The following VPS4B variants were observed in gnomAD, a reference collection of about 807,000 sequenced individuals.
VPS4B encodes the protein vacuolar protein sorting 4 homolog B.
VPS4B carries 23 observed loss-of-function variants against 56.1 expected under a neutral mutation model. The ratio of observed to expected loss-of-function variants is 0.41; its 90% CI spans 0.30 to 0.58. VPS4B has a LOEUF of 0.58. Among genes scored for constraint, VPS4B ranks in the 20% least tolerant of loss-of-function variants. The pLI is 0.29. For missense variants in VPS4B, 372 were observed against 531.9 expected (o/e 0.70, Z 2.96); for synonymous variants, 177 against 186.0 (o/e 0.95, Z 0.39).
rs1372393227 is a variant in VPS4B at position 63,389,694 on chromosome 18, C to G, written c.*1281G>C. ...ATTACACTGATAACATATGTGTGGT[C>G]AGGACAAACTGTTCCCTGAACTTAA... On this transcript the variant is annotated 3_prime_UTR_variant, in exon 11 of 11. Coordinates refer to ENST00000238497, the MANE Select transcript of VPS4B (RefSeq NM_004869.4). 1 of 152,516 alleles carries G rather than the reference C, an allele frequency of 6.6e-6. No individual in the cohort carries two copies. The highest frequency in any genetic ancestry group is 2.4e-5 in the African/African-American group (1 of 41,406). The allele number at this position is 152,516 out of a possible 1,614,324, so 9.4% of individuals were successfully genotyped here.
intron 8 of VPS4B, among the ~76,000 whole-genome samples, chr18:63,398,202 C>T (rs1440826593): frequency 1.0e-5 from 1 of 96,286 alleles, no homozygotes; most frequent in African/African-American, 4.8e-5. Flanking sequence ...CACACACACA[C>T]ACATATATAT....
intron 10 of VPS4B, among the ~76,000 whole-genome samples, 154 bp from the exon 11 acceptor site, chr18:63,391,230 C>CTTTTTTTTTTTTT (rs11425099): frequency 7.1e-6 from 1 of 141,556 alleles, no homozygotes. Context: ...ACTCCCTATT[C>CTTTTTTTTTTTTT]TTTTTTTTTT....
intron 10 of VPS4B, 100 bp downstream of exon 10, chr18:63,393,309 A>G (rs939077318): frequency 9.0e-7 from 1 of 1,115,040 alleles, no homozygotes; most frequent in African/African-American, 1.6e-5. Context: ...AGTAAAATAC[A>G]CCTGTTTATA....
chr18:63,394,462 G>A (rs1915625274), intron 9 of VPS4B, among the ~76,000 whole-genome samples: 1 of 151,726 alleles, frequency 6.6e-6, no homozygotes, highest in South Asian at 2.1e-4. Context: ...TCAACTTGGA[G>A]GCACTTCTTT....
Position 63,422,328 on chromosome 18 carries a change from G to A in VPS4B, c.-69C>T, listed in dbSNP as rs746456160. 29 of 1,407,650 alleles carry A rather than the reference G, an allele frequency of 2.1e-5. No homozygotes were observed. Among genetic ancestry groups the A allele is most frequent in the Non-Finnish European group, 2.5e-5 (27 of 1,067,946 alleles). 87.2% of individuals were successfully genotyped at this position (1,407,650 alleles called of 1,614,324 possible). ...GAGCCAACAGCAGCAACGTCGAAGC[G>A]CGCACGGGGTAACAGCCCTCAAACT... On this transcript the variant is annotated 5_prime_UTR_variant, in exon 1 of 11. Transcript: ENST00000238497.
intron 1 of VPS4B, among the ~76,000 whole-genome samples, chr18:63,411,809 T>C (rs993353658): frequency 4.6e-5 from 7 of 152,226 alleles, no homozygotes; most frequent in African/African-American, 1.7e-4. Context: ...TTACATGTTA[T>C]AGGAATAAAT....
chr18:63,414,683 C>A (rs1451839150), intron 1 of VPS4B, among the ~76,000 whole-genome samples: 2 of 152,174 alleles, frequency 1.3e-5, no homozygotes, highest in African/African-American at 4.8e-5. Flanking sequence ...GATACACCTG[C>A]CTCAGCCTCC....
At chr18:63,391,564 A>G (rs923948907) in intron 10 of VPS4B, among the ~76,000 whole-genome samples, 13 of 152,162 alleles carry the variant, frequency 8.5e-5, no homozygotes, top group African/African-American at 3.1e-4. Flanking sequence ...ATCTTTGATC[A>G]TGTTATTCCT....
chr18:63,415,609 T>G (rs1916144812), intron 1 of VPS4B: 1 of 243,618 alleles, frequency 4.1e-6, no homozygotes, highest in African/African-American at 2.3e-5. Flanking sequence ...CAGTGGTCCA[T>G]GATAACCTTG....
intron 5 of VPS4B, among the ~76,000 whole-genome samples, chr18:63,401,837 AC>A (rs1179530424): frequency 6.6e-6 from 1 of 152,164 alleles, no homozygotes; most frequent in African/African-American, 2.4e-5. Context: ...TAGTAAAAAT[AC>A]AAAAATTAGC....
Position 63,422,294 on chromosome 18 carries a change from G to A in VPS4B, c.-35C>T, listed in dbSNP as rs1259055452. ...CCCAGGCGGTTCCCAAGGGAACGAG[G>A]GGCGAGGAGAGCCAACAGCAGCAAC... On this transcript the variant is annotated 5_prime_UTR_variant, in exon 1 of 11. Coordinates refer to ENST00000238497, the MANE Select transcript of VPS4B (RefSeq NM_004869.4). The A allele has an allele frequency of 8.8e-6, 13 of 1,484,264 alleles. No individual in the cohort carries two copies. Among genetic ancestry groups the A allele is most frequent in the Admixed American group, 5.0e-5 (2 of 39,830 alleles). 91.9% of individuals were successfully genotyped at this position (1,484,264 alleles called of 1,614,324 possible).
intron 5 of VPS4B, among the ~76,000 whole-genome samples, chr18:63,403,093 T>G (rs1365073992): frequency 6.6e-6 from 1 of 152,196 alleles, no homozygotes; most frequent in African/African-American, 2.4e-5. Context: ...TCAGCAATAT[T>G]CTCTTCACAG....
chr18:63,391,223 C>A (rs1599353194), intron 10 of VPS4B, 147 bp from the exon 11 acceptor site: 1 of 567,440 alleles, frequency 1.8e-6, no homozygotes, highest in Non-Finnish European at 3.0e-6. Flanking sequence ...ACGATAAACT[C>A]CCTATTCTTT....
In VPS4B at chr18:63,399,957, TGTA is replaced by T. The variant is rs1915774338; in HGVS notation, c.790+88_790+90del. 7.4e-6 allele frequency: 9 copies of T among 1,224,442 alleles called. No homozygotes were observed. In the East Asian group the frequency reaches 2.4e-4, roughly 32 times the overall value. The allele number at this position is 1,224,442 out of a possible 1,614,324, so 75.8% of individuals were successfully genotyped here. On this transcript the variant is annotated intron_variant, in intron 7 of 10. Transcript: ENST00000238497. Reference sequence around the variant, plus strand: ...TTGCTTGAACCTGGGAGGTGGAGGTTGTAGTGAGCTGAGATCGCGCCACTGCAC... The same window carrying T: ...TTGCTTGAACCTGGGAGGTGGAGGTTGTGAGCTGAGATCGCGCCACTGCAC...
chr18:63,421,866 C>G (rs1916309385), intron 1 of VPS4B, among the ~76,000 whole-genome samples: 1 of 152,184 alleles, frequency 6.6e-6, no homozygotes, highest in South Asian at 2.1e-4. Flanking sequence ...AAACTAAGAC[C>G]GAACTATGAC....
At chr18:63,406,816 G>T (rs375732779) in intron 4 of VPS4B, among the ~76,000 whole-genome samples, 2 of 152,196 alleles carry the variant, frequency 1.3e-5, no homozygotes, top group East Asian at 3.8e-4. Context: ...CCCACAATTA[G>T]AAAGTTCTAA....
chr18:63,391,920 T>TAAAAGGA (rs1221352706), intron 10 of VPS4B, among the ~76,000 whole-genome samples: 1 of 152,078 alleles, frequency 6.6e-6, no homozygotes, highest in East Asian at 1.9e-4. Flanking sequence ...TAGACTCCTG[T>TAAAAGGA]AAAAGGATAT....
intron 1 of VPS4B, among the ~76,000 whole-genome samples, chr18:63,420,351 G>C (rs1273943145): frequency 6.6e-6 from 1 of 152,162 alleles, no homozygotes; most frequent in South Asian, 2.1e-4. Context: ...GGGAGGCTGA[G>C]GCACAAGAAT....
At chr18:63,403,599 CAATT>C in intron 5 of VPS4B, 104 bp downstream of exon 5, 1 of 1,208,974 alleles carries the variant, frequency 8.3e-7, no homozygotes, top group Non-Finnish European at 1.1e-6. Context: ...TTAACAGTCA[CAATT>C]TATTTAAGAT....
Sources: gnomAD v4.1 joint callset for allele counts (sites outside exome capture counted in the v4.1 genomes callset) on GRCh38, gnomAD v4.1.1 for gene constraint, MANE v1.5 for transcripts, NCBI Gene and HGNC (gene_info 2026-07-23, HGNC 2026-07-21) for gene names.